MAPK10: variants seen among roughly 807,000 people sequenced by gnomAD.
MAPK10 encodes the protein JNK3 alpha protein kinase.
In MAPK10, 25 loss-of-function variants were observed where a neutral mutation model predicts 59.3. The ratio of observed to expected loss-of-function variants is 0.42; its 90% CI spans 0.31 to 0.59. MAPK10 has a LOEUF of 0.59. Among genes scored for constraint, MAPK10 ranks in the 20% least tolerant of loss-of-function variants. The pLI is 0.15. For missense variants in MAPK10, 351 were observed against 568.9 expected, an observed-to-expected ratio of 0.62 and a Z score of 3.90; for synonymous variants, 190 against 200.5, an observed-to-expected ratio of 0.95 and a Z score of 0.44.
At position 86,471,830 on chromosome 4, in the gene MAPK10, T is replaced by A. The variant is rs577144041; in HGVS notation, c.-262-117186A>T. Among the ~76,000 whole-genome samples the A allele has an allele frequency of 1.4e-4, 21 of 152,326 alleles. No homozygotes were observed. The South Asian group carries it at 1.9e-3, about 14-fold the overall frequency. On this transcript the variant is annotated intron_variant, in intron 1 of 4. Transcript: ENST00000502302. ...GTGATTTCTGTGTACCTCTTTAATA[T>A]GAAATCAGAGATGATGACTGTAGAA...
intron 1 of MAPK10, among the ~76,000 whole-genome samples, chr4:86,388,478 T>C (rs1204848662): frequency 6.6e-6 from 1 of 152,176 alleles, no homozygotes; most frequent in African/African-American, 2.4e-5. Flanking sequence ...AATTCAGTAA[T>C]ATGCCTAATC....
chr4:86,485,110 T>C (rs1753886376), intron 1 of MAPK10, among the ~76,000 whole-genome samples: 1 of 152,176 alleles, frequency 6.6e-6, no homozygotes. Flanking sequence ...GGTTTTTGGT[T>C]TGGGTCACCA....
At chr4:86,031,943 C>T (rs1213670145) in intron 11 of MAPK10, 1 of 152,540 alleles carries the variant, frequency 6.6e-6, no homozygotes, top group East Asian at 1.9e-4. Context: ...TCAAATCAAC[C>T]TTTTTATTTT....
intron 4 of MAPK10, among the ~76,000 whole-genome samples, chr4:86,115,292 G>A (rs2058132372): frequency 6.6e-6 from 1 of 152,208 alleles, no homozygotes; most frequent in African/African-American, 2.4e-5. Flanking sequence ...GGGTGTGGGA[G>A]TTCCCCTTAT....
chr4:86,325,948 T>A (rs2096012335), intron 2 of MAPK10: 1 of 152,184 alleles, frequency 6.6e-6, no homozygotes, highest in Non-Finnish European at 1.5e-5. Context: ...AAAACAGCCT[T>A]ACCCTTGAGA....
At chr4:86,081,713 T>C (rs2149031388) in intron 9 of MAPK10, 1 of 152,158 alleles carries the variant, frequency 6.6e-6, no homozygotes, top group East Asian at 1.9e-4. Flanking sequence ...ATGGCAAAAG[T>C]TGATGAGGAT....
At chr4:86,408,749 TTTG>T (rs1666615077) in intron 1 of MAPK10, among the ~76,000 whole-genome samples, 1 of 152,136 alleles carries the variant, frequency 6.6e-6, no homozygotes. Context: ...GATGGGGTTG[TTTG>T]TTTTTTTCTT....
At chr4:86,107,070 T>C (rs1460437270) in intron 5 of MAPK10, 153 bp downstream of exon 5, 5 of 557,896 alleles carry the variant, frequency 9.0e-6, no homozygotes, top group Non-Finnish European at 1.6e-5. Context: ...ATGAGGACAA[T>C]GAAATCGAAT....
At chr4:86,526,919 G>A (rs527700848) in intron 1 of MAPK10, among the ~76,000 whole-genome samples, 3 of 152,282 alleles carry the variant, frequency 2.0e-5, no homozygotes, top group Admixed American at 6.5e-5. Flanking sequence ...TCTGGGCCAA[G>A]AGATGGTTAG....
At chr4:86,170,532 A>C (rs910280957) in intron 3 of MAPK10, among the ~76,000 whole-genome samples, 2 of 152,094 alleles carry the variant, frequency 1.3e-5, no homozygotes, top group Non-Finnish European at 2.9e-5. Context: ...AACTATCCTA[A>C]ATATATATGC....
chr4:86,213,782 T>C (rs1250953030), intron 2 of MAPK10, among the ~76,000 whole-genome samples: 2 of 152,084 alleles, frequency 1.3e-5, no homozygotes, highest in Non-Finnish European at 2.9e-5. Flanking sequence ...AATTCTACCA[T>C]TCTACCATAC....
intron 2 of MAPK10, among the ~76,000 whole-genome samples, chr4:86,329,369 CT>C (rs1187183756): frequency 6.6e-6 from 1 of 152,140 alleles, no homozygotes; most frequent in Non-Finnish European, 1.5e-5. Context: ...ATTCACTGAT[CT>C]CTTGGTTCTA....
At position 86,163,633 on chromosome 4, in the gene MAPK10, C is replaced by A. The variant is rs1041400089; in HGVS notation, c.67-4166G>T. On this transcript the variant is annotated intron_variant, in intron 3 of 13. Coordinates refer to ENST00000641462, the MANE Select transcript of MAPK10 (RefSeq NM_138982.4). The stretch of plus-strand genomic sequence containing the variant: ...ACATGGATTAGGACTAGCTAGGGGG[C>A]TTATAAAATGCAAAGTTTCTGATTC... Among the ~76,000 whole-genome samples, 7 of 152,174 alleles carry A rather than the reference C, an allele frequency of 4.6e-5. No individual in the cohort carries two copies. The South Asian group carries it at 1.5e-3, about 32-fold the overall frequency.
At chr4:86,266,857 G>A (rs1366388257) in intron 2 of MAPK10, among the ~76,000 whole-genome samples, 3 of 151,720 alleles carry the variant, frequency 2.0e-5, no homozygotes, top group Admixed American at 6.6e-5. Flanking sequence ...ATCAAGTAGT[G>A]TTATATAATA....
intron 1 of MAPK10, among the ~76,000 whole-genome samples, chr4:86,396,288 A>AG (rs1434683444): frequency 1.3e-5 from 2 of 152,270 alleles, no homozygotes; most frequent in Non-Finnish European, 1.5e-5. Flanking sequence ...CGGAGCTTGC[A>AG]GTGAGCCGAG....
chr4:86,433,821 G>C (rs1486247593), intron 1 of MAPK10, among the ~76,000 whole-genome samples: 3 of 151,870 alleles, frequency 2.0e-5, no homozygotes, highest in Non-Finnish European at 4.4e-5. Flanking sequence ...CTAAATTAGT[G>C]TTTTTCAGCT....
chr4:86,239,530 G>A (rs1388169389), intron 2 of MAPK10, among the ~76,000 whole-genome samples: 1 of 152,094 alleles, frequency 6.6e-6, no homozygotes. Context: ...TTCAGAGCTT[G>A]TTATTGGTCT....
chr4:86,150,213 T>C (rs1288731572), intron 4 of MAPK10, among the ~76,000 whole-genome samples: 1 of 152,158 alleles, frequency 6.6e-6, no homozygotes, highest in African/African-American at 2.4e-5. Flanking sequence ...AACCAAATAT[T>C]GTATGTTCTT....
chr4:86,064,293 G>C lies in MAPK10; in HGVS notation c.1083C>G (p.Val361=). 1 of 1,614,160 alleles carries C rather than the reference G, an allele frequency of 6.2e-7. No homozygotes were observed. The highest frequency in any genetic ancestry group is 8.5e-7 in the Non-Finnish European group (1 of 1,180,024). The stretch of plus-strand genomic sequence containing the variant: ...CCTCCACTTCGGCTGGGTCATACCA[G>C]ACGTTGATGTAGGGATGCTGTAAGG... ...DDALQHPYIN[V]WYDPAEVEAP... Residue 361 remains valine, a synonymous_variant, in exon 11 of 14, where the codon GTC becomes GTG. Transcript: ENST00000641462.
Sources: allele counts gnomAD v4.1 joint callset (sites outside exome capture counted in the v4.1 genomes callset), GRCh38; gene constraint gnomAD v4.1.1; transcripts MANE v1.5; gene names NCBI Gene and HGNC (gene_info 2026-07-23, HGNC 2026-07-21).